Variants in AKAP19 observed in about 807,000 individuals in gnomAD.
The protein encoded by AKAP19 is A-kinase anchoring protein 19, also known as small A-kinase anchoring protein.
chr2:190,062,266 A>G, the AKAP19 span: 1 of 1,613,148 alleles, frequency 6.2e-7, no homozygotes, highest in South Asian at 1.1e-5. Context: ...GTAGCGTGAT[A>G]ATCGTCATCT....
At chr2:189,913,215 C>A in the AKAP19 span, among the ~76,000 whole-genome samples, 2 of 152,182 alleles carry the variant, frequency 1.3e-5, no homozygotes, top group South Asian at 4.1e-4. Context: ...ACTGGAACAC[C>A]TTTGACTCCT....
chr2:189,961,437 A>G, the AKAP19 span, among the ~76,000 whole-genome samples: 4 of 152,204 alleles, frequency 2.6e-5, no homozygotes, highest in Non-Finnish European at 4.4e-5. Flanking sequence ...TGCCTTTACC[A>G]TACAGAGAAC....
At chr2:189,951,980 C>G in the AKAP19 span, among the ~76,000 whole-genome samples, 1 of 152,202 alleles carries the variant, frequency 6.6e-6, no homozygotes. Context: ...CAAAAGAGAA[C>G]TAAACAAACA....
chr2:190,019,023 C>T, the AKAP19 span, among the ~76,000 whole-genome samples: 6 of 152,132 alleles, frequency 3.9e-5, no homozygotes, highest in Admixed American at 6.5e-5. Flanking sequence ...CAGGTGGTAC[C>T]GCTGTTTGCA....
chr2:189,943,720 A>G, the AKAP19 span, among the ~76,000 whole-genome samples: 1 of 152,240 alleles, frequency 6.6e-6, no homozygotes, highest in African/African-American at 2.4e-5. Flanking sequence ...AAAGCCACAG[A>G]GGTGGAGCTC....
the AKAP19 span, among the ~76,000 whole-genome samples, chr2:189,915,499 T>C: frequency 1.3e-5 from 2 of 152,168 alleles, no homozygotes; most frequent in African/African-American, 4.8e-5. Flanking sequence ...CCTAGAGATA[T>C]TAAGTAAATT....
the AKAP19 span, chr2:189,924,060 G>C: frequency 1.4e-5 from 22 of 1,537,126 alleles, no homozygotes; most frequent in Middle Eastern, 5.0e-4. Flanking sequence ...GAGTCTGAGG[G>C]GGGTGCAGAT....
the AKAP19 span, chr2:190,060,524 T>C: frequency 8.7e-7 from 1 of 1,146,324 alleles, no homozygotes; most frequent in Admixed American, 2.3e-5. Context: ...TTTTTTAAAT[T>C]AAGATAATGT....
the AKAP19 span, among the ~76,000 whole-genome samples, chr2:190,182,890 C>T: frequency 6.6e-6 from 1 of 152,100 alleles, no homozygotes; most frequent in Non-Finnish European, 1.5e-5. Flanking sequence ...TTTCTTTTTT[C>T]TCTTGGCTTG....
chr2:189,922,639 T>C, the AKAP19 span, among the ~76,000 whole-genome samples: 1 of 152,188 alleles, frequency 6.6e-6, no homozygotes, highest in Non-Finnish European at 1.5e-5. Context: ...CCAGCTGAGG[T>C]TGAACAAGTC....
chr2:189,981,212 A>G, the AKAP19 span, among the ~76,000 whole-genome samples: 21 of 150,644 alleles, frequency 1.4e-4, no homozygotes, highest in Non-Finnish European at 2.7e-4. Flanking sequence ...ATATTTATTC[A>G]GCAGAGTTAA....
the AKAP19 span, among the ~76,000 whole-genome samples, chr2:189,998,452 T>G: frequency 6.6e-6 from 1 of 152,344 alleles, no homozygotes; most frequent in Admixed American, 6.5e-5. Flanking sequence ...TACAGATCTA[T>G]TCAGATTTTT....
the AKAP19 span, among the ~76,000 whole-genome samples, chr2:189,937,558 C>T: frequency 6.6e-6 from 1 of 152,076 alleles, no homozygotes; most frequent in East Asian, 1.9e-4. Flanking sequence ...TTGAGCAAAA[C>T]TCTATAGGAA....
the AKAP19 span, among the ~76,000 whole-genome samples, chr2:190,191,921 C>G: frequency 6.6e-6 from 1 of 150,472 alleles, no homozygotes; most frequent in East Asian, 2.0e-4. Context: ...TTTTTTCAAT[C>G]TTTTAACTGT....
At chr2:190,142,269 T>C in the AKAP19 span, among the ~76,000 whole-genome samples, 831 of 152,298 alleles carry the variant, frequency 5.5e-3, 9 homozygotes, top group African/African-American at 0.019. Flanking sequence ...ACAGTTTCAT[T>C]ACTTCCATTT....
At chr2:190,142,942 G>C in the AKAP19 span, among the ~76,000 whole-genome samples, 1 of 152,070 alleles carries the variant, frequency 6.6e-6, no homozygotes. Context: ...CCAAGGGGTG[G>C]AATATTCATG....
At chr2:189,895,872 A>G in the AKAP19 span, among the ~76,000 whole-genome samples, 1 of 152,086 alleles carries the variant, frequency 6.6e-6, no homozygotes, top group African/African-American at 2.4e-5. Context: ...TTACCCAGTC[A>G]CGGTGGTACA....
the AKAP19 span, among the ~76,000 whole-genome samples, chr2:190,194,824 T>C: frequency 6.6e-6 from 1 of 152,012 alleles, no homozygotes. Context: ...TAGTAATAAG[T>C]ATTTGAGGTT....
chr2:190,079,856 G>GT, the AKAP19 span: 1 of 139,574 alleles, frequency 7.2e-6, no homozygotes, highest in Non-Finnish European at 1.5e-5. Flanking sequence ...AAAAATGAGG[G>GT]GTGTGTGTGT....
Sources: gnomAD v4.1 joint callset for allele counts (sites outside exome capture counted in the v4.1 genomes callset) on GRCh38, gnomAD v4.1.1 for gene constraint, MANE v1.5 for transcripts, NCBI Gene and HGNC (gene_info 2026-07-23, HGNC 2026-07-21) for gene names.